The following MAP3K4 variants were observed in gnomAD, a reference collection of about 807,000 sequenced individuals.
MAP3K4 encodes MAP three kinase 1.
Under a neutral mutation model 185.6 loss-of-function variants are expected in MAP3K4, and 67 were observed. The observed-to-expected ratio is 0.36, with a 90% CI of 0.30 to 0.44. The LOEUF is 0.44. Among genes scored for constraint, MAP3K4 ranks in the 20% least tolerant of loss-of-function variants. MAP3K4 has a pLI of 1.00. For missense variants in MAP3K4, 1,551 were observed against 1,995.1 expected (o/e 0.78, Z 4.24); for synonymous variants, 702 against 710.4 (o/e 0.99, Z 0.19).
chr6:161,034,491 G>T lies in MAP3K4; in HGVS notation c.343+42G>T. 2 of 1,438,868 alleles carry T rather than the reference G, an allele frequency of 1.4e-6. No individual in the cohort carries two copies. The highest frequency in any genetic ancestry group is 2.6e-5 in the South Asian group (2 of 76,108). The allele number at this position is 1,438,868 out of a possible 1,614,324, so 89.1% of individuals were successfully genotyped here. ...AAAAGAGGTGTACATGAGAGGGTAT[G>T]GCACTTGATTGATTCTTTCAACAAT... On this transcript the variant is annotated intron_variant, in intron 2 of 26. Transcript: ENST00000392142. The surrounding 1 kb of genome is among the most constrained non-coding windows in gnomAD (Gnocchi z 4.4).
In MAP3K4 at chr6:161,086,490, A is replaced by G. The variant is rs780729149; in HGVS notation, c.2472+12A>G. The G allele has an allele frequency of 1.3e-5, 21 of 1,610,562 alleles. No homozygotes were observed. In the East Asian group the frequency reaches 2.5e-4, roughly 19 times the overall value. ...AAATGTTGAGAAAGGTGAGCTTGCA[A>G]TCCTGATTAATTAGTACCTTTTTTC... On this transcript the variant is annotated intron_variant, in intron 8 of 26. Coordinates refer to ENST00000392142, the MANE Select transcript of MAP3K4 (RefSeq NM_005922.4). The surrounding 1 kb of genome is among the most constrained non-coding windows in gnomAD (Gnocchi z 4.8).
Position 161,070,752 on chromosome 6 carries a change from G to T in MAP3K4, c.1852G>T (p.Val618Phe), listed in dbSNP as rs141787443. 6.2e-7 allele frequency: 1 copy of T among 1,614,150 alleles called. No individual in the cohort carries two copies. The highest frequency in any genetic ancestry group is 1.1e-5 in the South Asian group (1 of 91,086). The change falls in exon 4 of 27, where the codon GTT becomes TTT. Residue 618 changes from valine (V) to phenylalanine (F), a missense_variant. Val to Phe is a conservative substitution (Grantham distance 50). Transcript: ENST00000392142. The surrounding 1 kb of genome is among the most constrained non-coding windows in gnomAD (Gnocchi z 4.5). Reference sequence around the variant, plus strand: ...ACCTTCATTCGAACCTGCCTTCCTAGTTCTCTGCCGAGTCCTTCTGAATGT... The same window carrying T: ...ACCTTCATTCGAACCTGCCTTCCTATTTCTCTGCCGAGTCCTTCTGAATGT... ...DLPSFEPAFL[V>F]LCRVLLNVIH...
Position 161,087,447 on chromosome 6 carries a change from G to A in MAP3K4, c.2557-241G>A, listed in dbSNP as rs1185525019. Among the ~76,000 whole-genome samples the A allele has an allele frequency of 6.6e-6, 1 of 152,158 alleles. No homozygotes were observed. Among genetic ancestry groups the A allele is most frequent in the African/African-American group, 2.4e-5 (1 of 41,440 alleles). ...GTTGTTGAAAATAAAGCAGTGAGGA[G>A]GATGTCCAATAATCGGGGAGACTCT... is the stretch of plus-strand genomic sequence containing the variant. On this transcript the variant is annotated intron_variant, in intron 9 of 26. Coordinates refer to ENST00000392142, the MANE Select transcript of MAP3K4 (RefSeq NM_005922.4). This position sits in a 1 kb window ranked among gnomAD's most constrained non-coding sequence, Gnocchi z 4.9.
rs1443555904 is a variant in MAP3K4, at chr6:161,008,230, C to T, written c.152+16147C>T. On this transcript the variant is annotated intron_variant, in intron 1 of 26. Transcript: ENST00000392142. The surrounding 1 kb of genome is among the most constrained non-coding windows in gnomAD (Gnocchi z 4.1). The stretch of plus-strand genomic sequence containing the variant: ...TTTCTGATATTTCTCTTCTAGGAAG[C>T]TGTGATCTTAATTTAACCAGTCTTT... Among the ~76,000 whole-genome samples the T allele has an allele frequency of 6.6e-6, 1 of 152,124 alleles. No individual in the cohort carries two copies. Among genetic ancestry groups the T allele is most frequent in the Non-Finnish European group, 1.5e-5 (1 of 68,006 alleles).
At position 161,107,042 on chromosome 6, in the gene MAP3K4, ACGCG is replaced by A. The variant is rs5881393; in HGVS notation, c.4048+343_4048+346del. Reference sequence around the variant, plus strand: ...CTAGTTTCTCTCTCTCTCTCTACACACGCGCGCGCACACACACACACACACACAC... The same window carrying A: ...CTAGTTTCTCTCTCTCTCTCTACACACGCGCACACACACACACACACACAC... On this transcript the variant is annotated intron_variant, in intron 20 of 26. Coordinates refer to ENST00000392142, the MANE Select transcript of MAP3K4 (RefSeq NM_005922.4). This position sits in a 1 kb window ranked among gnomAD's most constrained non-coding sequence, Gnocchi z 6.2. Among the ~76,000 whole-genome samples the A allele has an allele frequency of 0.012, 1,669 of 141,750 alleles. 22 individuals are homozygous for A. Among genetic ancestry groups the A allele is most frequent in the Non-Finnish European group, 0.021 (1,344 of 65,366 alleles). The allele number at this position is 141,750 out of a possible 152,430, so 93.0% of individuals were successfully genotyped here.
rs771879760 is a variant in MAP3K4, at chr6:161,112,681, T to C, written c.4533T>C (p.Pro1511=). 3 of 1,593,712 alleles carry C rather than the reference T, an allele frequency of 1.9e-6. No individual in the cohort carries two copies. Among genetic ancestry groups the C allele is most frequent in the Non-Finnish European group, 2.6e-6 (3 of 1,171,944 alleles). The change falls in exon 25 of 27, where the codon CCT becomes CCC. Residue 1511 remains proline, a synonymous_variant. Transcript: ENST00000392142. The surrounding 1 kb of genome is among the most constrained non-coding windows in gnomAD (Gnocchi z 5.1). ...TGACTTTTAAAGCATACATGGCACC[T>C]GAAGTCATCACTCGTGCCAAAGGAG... The part of the protein sequence containing the change: ...STLGTAAYMA[P]EVITRAKGEG...
Position 161,061,838 on chromosome 6 carries a change from C to T in MAP3K4, c.1708-8770C>T, listed in dbSNP as rs773519888. ...AATATTCCATTGTATGGCTATACCACGTTTTGTTGATCTATTCATAGATTT... is the reference window on the plus strand; with the variant it reads ...AATATTCCATTGTATGGCTATACCATGTTTTGTTGATCTATTCATAGATTT... On this transcript the variant is annotated intron_variant, in intron 3 of 26. Transcript: ENST00000392142. The surrounding 1 kb of genome is among the most constrained non-coding windows in gnomAD (Gnocchi z 4.2). Among the ~76,000 whole-genome samples the T allele has an allele frequency of 1.3e-5, 2 of 151,968 alleles. No individual in the cohort carries two copies. Among genetic ancestry groups the T allele is most frequent in the African/African-American group, 2.4e-5 (1 of 41,388 alleles).
intron 1 of MAP3K4, among the ~76,000 whole-genome samples, chr6:161,026,270 A>G (rs1217786154): frequency 6.6e-6 from 1 of 151,084 alleles, no homozygotes; most frequent in Non-Finnish European, 1.5e-5. Context: ...AGCTGGGATT[A>G]CAGGTGCCCG....
chr6:160,992,122 G>A (rs892351231), intron 1 of MAP3K4, 39 bp downstream of exon 1: 1 of 1,510,030 alleles, frequency 6.6e-7, no homozygotes, highest in South Asian at 1.3e-5. Context: ...CGCAGAAAGC[G>A]GGGCGGGTCC....
intron 1 of MAP3K4, among the ~76,000 whole-genome samples, chr6:161,013,675 G>GGTGTTAA (rs1192287727): frequency 6.6e-6 from 1 of 152,194 alleles, no homozygotes. Context: ...CATCTCTAGT[G>GGTGTTAA]GTGTTAAGCT....
At chr6:161,050,099 T>A in intron 3 of MAP3K4, 120 bp downstream of exon 3, 1 of 979,822 alleles carries the variant, frequency 1.0e-6, no homozygotes, top group Non-Finnish European at 1.5e-6. Context: ...ATGGCAGTTA[T>A]AAATTGCACA....
rs1562540722 is a variant in MAP3K4 at position 161,101,103 on chromosome 6, C to T, written c.3675-789C>T. On this transcript the variant is annotated intron_variant, in intron 17 of 26. Coordinates refer to ENST00000392142, the MANE Select transcript of MAP3K4 (RefSeq NM_005922.4). The surrounding 1 kb of genome is among the most constrained non-coding windows in gnomAD (Gnocchi z 5.1). ...CTAAATGACTTTAATAAACTAATGCCATATTTATTTGAGGTTCTTTGATTA... is the reference window on the plus strand; with the variant it reads ...CTAAATGACTTTAATAAACTAATGCTATATTTATTTGAGGTTCTTTGATTA... 1 of 152,090 alleles carries T rather than the reference C, an allele frequency of 6.6e-6. No individual in the cohort carries two copies. Among genetic ancestry groups the T allele is most frequent in the Non-Finnish European group, 1.5e-5 (1 of 68,030 alleles). The allele number at this position is 152,090 out of a possible 1,614,324, so 9.4% of individuals were successfully genotyped here. A position where few individuals can be genotyped will look rare whatever the true frequency, so the allele number is the denominator to read the frequency against.
chr6:161,108,355 G>A lies in MAP3K4; in HGVS notation c.4119+386G>A, dbSNP rs1342560768. On this transcript the variant is annotated intron_variant, in intron 21 of 26. Transcript: ENST00000392142. The surrounding 1 kb of genome is among the most constrained non-coding windows in gnomAD (Gnocchi z 5.7). The stretch of plus-strand genomic sequence containing the variant: ...GCATTGAAACCGCTGGAGGTAGGAT[G>A]GGGAAAGGGCCAGGGAACCTGAAGT... Among the ~76,000 whole-genome samples the A allele has an allele frequency of 1.3e-5, 2 of 152,180 alleles. No individual in the cohort carries two copies. The highest frequency in any genetic ancestry group is 3.9e-4 in the East Asian group (2 of 5,180).
intron 17 of MAP3K4, among the ~76,000 whole-genome samples, chr6:161,099,219 TC>T (rs1219368746): frequency 2.6e-5 from 4 of 152,160 alleles, no homozygotes; most frequent in African/African-American, 9.7e-5. Context: ...TCTAAAAAGA[TC>T]AACTTCTGAT....
rs1387273241 is a variant in MAP3K4, at chr6:161,088,990, T to A, written c.2824-332T>A. Among the ~76,000 whole-genome samples, 1 of 152,014 alleles carries A rather than the reference T, an allele frequency of 6.6e-6. No homozygotes were observed. Among genetic ancestry groups the A allele is most frequent in the South Asian group, 2.1e-4 (1 of 4,820 alleles). On this transcript the variant is annotated intron_variant, in intron 10 of 26. Coordinates refer to ENST00000392142, the MANE Select transcript of MAP3K4 (RefSeq NM_005922.4). The surrounding 1 kb of genome is among the most constrained non-coding windows in gnomAD (Gnocchi z 4.5). ...TACATTTTCCTTCTTCATATGCTGC[T>A]CCAATACACACACACATGCACACAT... is the stretch of plus-strand genomic sequence containing the variant.
Position 161,064,088 on chromosome 6 carries a change from A to G in MAP3K4, c.1708-6520A>G, listed in dbSNP as rs185619028. Among the ~76,000 whole-genome samples the G allele has an allele frequency of 4.6e-5, 7 of 152,234 alleles. No homozygotes were observed. The highest frequency in any genetic ancestry group is 3.9e-4 in the East Asian group (2 of 5,188). ...GGGAAATTGAAACCCTGTTGCCACCACTTTTTCCCAGAATTCTTTTTTTCA... is the reference window on the plus strand; with the variant it reads ...GGGAAATTGAAACCCTGTTGCCACCGCTTTTTCCCAGAATTCTTTTTTTCA... On this transcript the variant is annotated intron_variant, in intron 3 of 26. Coordinates refer to ENST00000392142, the MANE Select transcript of MAP3K4 (RefSeq NM_005922.4). The surrounding 1 kb of genome is among the most constrained non-coding windows in gnomAD (Gnocchi z 4.3).
chr6:161,098,889 A>G lies in MAP3K4; in HGVS notation c.3674+462A>G, dbSNP rs1777705423. ...TAATTGTTGATTAGAAGTAGTTTAT[A>G]GAAGTGGAAAAATGAGTTCATGGGG... On this transcript the variant is annotated intron_variant, in intron 17 of 26. Coordinates refer to ENST00000392142, the MANE Select transcript of MAP3K4 (RefSeq NM_005922.4). The surrounding 1 kb of genome is among the most constrained non-coding windows in gnomAD (Gnocchi z 4.4). Among the ~76,000 whole-genome samples the G allele has an allele frequency of 6.6e-6, 1 of 152,232 alleles. No homozygotes were observed. The highest frequency in any genetic ancestry group is 1.5e-5 in the Non-Finnish European group (1 of 68,040).
In MAP3K4 at chr6:160,991,790, A is replaced by C; in HGVS notation, c.-142A>C. 1.0e-6 allele frequency: 1 copy of C among 984,560 alleles called. No homozygotes were observed. The highest frequency in any genetic ancestry group is 1.4e-6 in the Non-Finnish European group (1 of 733,330). 61.0% of individuals were successfully genotyped at this position (984,560 alleles called of 1,614,324 possible). A position where few individuals can be genotyped will look rare whatever the true frequency, so the allele number is the denominator to read the frequency against. On this transcript the variant is annotated 5_prime_UTR_variant, in exon 1 of 27. Coordinates refer to ENST00000392142, the MANE Select transcript of MAP3K4 (RefSeq NM_005922.4). This position sits in a 1 kb window ranked among gnomAD's most constrained non-coding sequence, Gnocchi z 5.7. ...CGGCGCTCGGCCGGTCGCCGTTTCC[A>C]AGATGGCCGCGGCGCGCACGGCTCC... is the stretch of plus-strand genomic sequence containing the variant.
In MAP3K4 at chr6:161,097,024, A is replaced by G; in HGVS notation, c.3428-56A>G. 1 of 1,427,530 alleles carries G rather than the reference A, an allele frequency of 7.0e-7. No individual in the cohort carries two copies. Among genetic ancestry groups the G allele is most frequent in the Non-Finnish European group, 9.9e-7 (1 of 1,010,594 alleles). 88.4% of individuals were successfully genotyped at this position (1,427,530 alleles called of 1,614,324 possible). A position where few individuals can be genotyped will look rare whatever the true frequency, so the allele number is the denominator to read the frequency against. ...ATTTTCCATTTGACTGTTTGGTTTGATGATTTTCTGTGGACCATATTAACA... is the reference window on the plus strand; with the variant it reads ...ATTTTCCATTTGACTGTTTGGTTTGGTGATTTTCTGTGGACCATATTAACA... On this transcript the variant is annotated intron_variant, in intron 15 of 26. Coordinates refer to ENST00000392142, the MANE Select transcript of MAP3K4 (RefSeq NM_005922.4). This position sits in a 1 kb window ranked among gnomAD's most constrained non-coding sequence, Gnocchi z 4.9.
Sources: gnomAD v4.1 joint callset for allele counts (sites outside exome capture counted in the v4.1 genomes callset) on GRCh38, gnomAD v4.1.1 for gene constraint, Gnocchi (gnomAD v3.1) non-coding constraint, MANE v1.5 for transcripts, NCBI Gene and HGNC (gene_info 2026-07-23, HGNC 2026-07-21) for gene names.